LBHD1: variants seen among roughly 807,000 people sequenced by gnomAD.
LBHD1 encodes LBH domain containing 1, also known as LBH domain-containing protein 1.
A neutral mutation model predicts 31.1 loss-of-function variants in LBHD1; 28 were observed. That is an observed-to-expected ratio of 0.90 (90% CI 0.67 to 1.24). The LOEUF (loss-of-function observed/expected upper bound fraction) is 1.24. LBHD1 is among the 50% of genes most tolerant of loss of function. LBHD1 has a pLI of 0.00. For synonymous variants in LBHD1, 105 were observed against 116.5 expected (o/e 0.90, Z 0.63); for missense variants, 350 against 323.0 (o/e 1.08, Z -0.64).
At position 62,667,686 on chromosome 11, in the gene LBHD1, G is replaced by C. The variant is rs1944856813; in HGVS notation, c.375C>G (p.Ser125Arg). 1 of 1,614,196 alleles carries C rather than the reference G, an allele frequency of 6.2e-7. No homozygotes were observed. The highest frequency in any genetic ancestry group is 8.5e-7 in the Non-Finnish European group (1 of 1,180,038). The change falls in exon 4 of 7, where the codon AGC becomes AGG. Residue 125 changes from serine to arginine, a missense_variant. Ser to Arg is a moderately radical substitution (Grantham distance 110, BLOSUM62 -1). Coordinates refer to ENST00000354588, the MANE Select transcript of LBHD1 (RefSeq NM_024099.5). ...CTTCTTCATCCTGGTCCTGCCCCCA[G>C]CTGAGTCCAGCGTTAAATGTTCTTA... ...SPLRTFNAGL[S>R]WGQDQDEEDA... is the part of the protein sequence containing the mutation.
In LBHD1 at chr11:62,672,013, C is replaced by A; in HGVS notation, c.-460G>T. 6.2e-7 allele frequency: 1 copy of A among 1,613,602 alleles called. No homozygotes were observed. ...GGCGGCCAGGACCCAGCAGCTATTG[C>A]TGGCCACTCTGCAGGAGGCAGCGAC... is the stretch of plus-strand genomic sequence containing the variant. On this transcript the variant is annotated 5_prime_UTR_variant, in exon 1 of 7. Coordinates refer to ENST00000354588, the MANE Select transcript of LBHD1 (RefSeq NM_024099.5).
At chr11:62,665,797 C>G (rs1044397255) in intron 4 of LBHD1, 10 of 1,566,494 alleles carry the variant, frequency 6.4e-6, no homozygotes, top group Middle Eastern at 3.4e-4. Context: ...TGCAGATCTT[C>G]CCCTGGACCT....
At chr11:62,665,888 G>T (rs765614681) in intron 4 of LBHD1, 1 of 1,613,412 alleles carries the variant, frequency 6.2e-7, no homozygotes, top group East Asian at 2.2e-5. Context: ...AGATGGCCGC[G>T]CTGCGTCGAA....
At chr11:62,667,891 G>A (rs1356658485) in intron 3 of LBHD1, 144 bp from the exon 4 acceptor site, 3 of 626,472 alleles carry the variant, frequency 4.8e-6, no homozygotes, top group East Asian at 5.4e-5. Flanking sequence ...TGGCAATAAA[G>A]TGACACCCCT....
rs760837459 is a variant in LBHD1, at chr11:62,670,056, T to G, written c.-10-15A>C. The G allele has an allele frequency of 6.3e-7, 1 of 1,591,310 alleles. No individual in the cohort carries two copies. Among genetic ancestry groups the G allele is most frequent in the Non-Finnish European group, 8.6e-7 (1 of 1,168,352 alleles). ...TGGTGGTGATTCTTAGAGTGCAAGA[T>G]GATTGAACTCAGAGGAGAGTACTGC... is the stretch of plus-strand genomic sequence containing the variant. On this transcript the variant is annotated splice_polypyrimidine_tract_variant and intron_variant, in intron 1 of 6. Transcript: ENST00000354588.
intron 4 of LBHD1, chr11:62,665,910 C>A (rs965186554): frequency 9.3e-6 from 15 of 1,613,276 alleles, no homozygotes; most frequent in Non-Finnish European, 1.3e-5. Context: ...GCTCCACTTG[C>A]CGAGCCTGAT....
intron 4 of LBHD1, chr11:62,665,932 G>T: frequency 6.2e-7 from 1 of 1,612,626 alleles, no homozygotes. Context: ...ATGGGGACGT[G>T]CCGCCCCTTT....
chr11:62,667,810 G>T, intron 3 of LBHD1, 63 bp from the exon 4 acceptor site: 1 of 1,201,776 alleles, frequency 8.3e-7, no homozygotes, highest in Non-Finnish European at 1.2e-6. Context: ...ACAAAACTAG[G>T]CCAGGCATGC....
intron 4 of LBHD1, chr11:62,667,025 G>C: frequency 3.1e-6 from 5 of 1,607,032 alleles, no homozygotes; most frequent in Non-Finnish European, 4.2e-6. Flanking sequence ...CACCTACTTT[G>C]CTTACTTGAT....
chr11:62,669,759 G>A lies in LBHD1; in HGVS notation c.195C>T (p.Ser65=), dbSNP rs1175162990. The A allele has an allele frequency of 6.2e-7, 1 of 1,614,196 alleles. No homozygotes were observed. Among genetic ancestry groups the A allele is most frequent in the African/African-American group, 1.3e-5 (1 of 75,040 alleles). Reference sequence around the variant, plus strand: ...CCCCACTCTCTTCATTCACCTCACTGGATTCCACCACAATAGACGGCAGAT... The same window carrying A: ...CCCCACTCTCTTCATTCACCTCACTAGATTCCACCACAATAGACGGCAGAT... ...KSHLPSIVVE[S]SEVNEESGDL... The change falls in exon 3 of 7, where the codon TCC becomes TCT. Residue 65 remains serine (S), a synonymous_variant. Coordinates refer to ENST00000354588, the MANE Select transcript of LBHD1 (RefSeq NM_024099.5).
intron 5 of LBHD1, among the ~76,000 whole-genome samples, chr11:62,664,326 CTTTTTTTTTTTT>C (rs35917869): frequency 2.6e-5 from 2 of 77,438 alleles, no homozygotes; most frequent in Non-Finnish European, 4.6e-5. Flanking sequence ...TCCTGATATT[CTTTTTTTTTTTT>C]TTTTTTTTTT....
At chr11:62,665,171 G>C in intron 4 of LBHD1, 198 bp from the exon 5 acceptor site, 1 of 865,164 alleles carries the variant, frequency 1.2e-6, no homozygotes, top group South Asian at 1.4e-5. Context: ...AGCTCCCATA[G>C]TCGCGATTCC....
At chr11:62,667,474 G>C in intron 4 of LBHD1, 49 bp downstream of exon 4, 1 of 1,578,846 alleles carries the variant, frequency 6.3e-7, no homozygotes. Context: ...GGTATAAGGA[G>C]CTTCATAAAC....
chr11:62,668,626 C>A (rs1262326503), intron 3 of LBHD1: 7 of 151,440 alleles, frequency 4.6e-5, no homozygotes, highest in Middle Eastern at 3.4e-3. Flanking sequence ...CAAAGTGAAA[C>A]CCTGTCTCTA....
chr11:62,665,442 T>C (rs1188036833), intron 4 of LBHD1: 1 of 1,551,236 alleles, frequency 6.4e-7, no homozygotes, highest in Non-Finnish European at 8.7e-7. Flanking sequence ...TTGGCGGGGA[T>C]CGGGCTTGTG....
chr11:62,667,393 C>T (rs1944848567), intron 4 of LBHD1, 130 bp downstream of exon 4: 2 of 923,856 alleles, frequency 2.2e-6, no homozygotes, highest in African/African-American at 1.7e-5. Flanking sequence ...CGCTGACTGA[C>T]TTGTATAATC....
intron 4 of LBHD1, 98 bp downstream of exon 4, chr11:62,667,425 T>A: frequency 3.1e-6 from 4 of 1,287,274 alleles, no homozygotes; most frequent in Non-Finnish European, 4.5e-6. Context: ...CCTGTAAGCC[T>A]CATTTTTGTC....
intron 5 of LBHD1, among the ~76,000 whole-genome samples, chr11:62,664,082 GAAAAAAAAAAAAA>G (rs71056540): frequency 1.5e-5 from 1 of 65,944 alleles, no homozygotes; most frequent in African/African-American, 6.1e-5. Flanking sequence ...CAAAAAAGAG[GAAAAAAAAAAAAA>G]AAAAAAAAAA....
At chr11:62,671,325 C>T in intron 1 of LBHD1, 1 of 942,514 alleles carries the variant, frequency 1.1e-6, no homozygotes, top group Non-Finnish European at 1.5e-6. Flanking sequence ...TGTAGATGCC[C>T]TCCATGCGCT....
Sources: gnomAD v4.1 joint callset for allele counts (sites outside exome capture counted in the v4.1 genomes callset) on GRCh38, gnomAD v4.1.1 for gene constraint, MANE v1.5 for transcripts, NCBI Gene and HGNC (gene_info 2026-07-23, HGNC 2026-07-21) for gene names.